RALYL: variants seen among roughly 807,000 people sequenced by gnomAD.
RALYL encodes RALY RNA binding protein like.
RALYL carries 29 observed loss-of-function variants against 35.1 expected under a neutral mutation model. That is an observed-to-expected ratio of 0.83 (90% CI 0.61 to 1.13). RALYL has a LOEUF of 1.13. RALYL is among the 50% of genes most tolerant of loss of function. The probability of loss-of-function intolerance (pLI) is 0.00; values close to 1 mark genes in which losing one functional copy is unlikely to be tolerated. For missense variants in RALYL, 359 were observed against 360.4 expected (o/e 1.00, Z 0.03); for synonymous variants, 120 against 127.6 (o/e 0.94, Z 0.40).
chr8:84,239,313 T>C (rs1827331430), intron 1 of RALYL, among the ~76,000 whole-genome samples: 1 of 152,200 alleles, frequency 6.6e-6, no homozygotes, highest in African/African-American at 2.4e-5. Flanking sequence ...AGTCCCCTCA[T>C]GCATTGAATA....
chr8:84,685,938 A>G (rs1008240574), intron 2 of RALYL, among the ~76,000 whole-genome samples: 28 of 152,268 alleles, frequency 1.8e-4, no homozygotes, highest in East Asian at 1.2e-3. Flanking sequence ...AGGTTGTATT[A>G]GGTGCAGATA....
At chr8:84,202,891 A>G (rs1817235144) in intron 1 of RALYL, among the ~76,000 whole-genome samples, 1 of 152,210 alleles carries the variant, frequency 6.6e-6, no homozygotes, top group African/African-American at 2.4e-5. Flanking sequence ...CATGTATATT[A>G]GCTTTTGAGT....
At chr8:84,613,551 G>T (rs1010412300) in intron 2 of RALYL, among the ~76,000 whole-genome samples, 2 of 151,408 alleles carry the variant, frequency 1.3e-5, no homozygotes, top group African/African-American at 2.4e-5. Flanking sequence ...CCCCATTTTA[G>T]ATGAGAAAAT....
chr8:84,322,755 C>T (rs1845096381), intron 1 of RALYL, among the ~76,000 whole-genome samples: 1 of 152,024 alleles, frequency 6.6e-6, no homozygotes, highest in South Asian at 2.1e-4. Context: ...TTTCTCAGGT[C>T]CTATTTCTCA....
At chr8:84,371,090 C>T (rs1855585920) in intron 1 of RALYL, among the ~76,000 whole-genome samples, 1 of 151,860 alleles carries the variant, frequency 6.6e-6, no homozygotes, top group African/African-American at 2.4e-5. Context: ...CCTTATAACC[C>T]CATCCTCTTG....
intron 4 of RALYL, among the ~76,000 whole-genome samples, chr8:84,829,181 C>T (rs1188745027): frequency 6.6e-6 from 1 of 152,048 alleles, no homozygotes; most frequent in East Asian, 1.9e-4. Flanking sequence ...ATAAAGCCAT[C>T]AGATCTCCTG....
At chr8:84,261,638 A>G (rs572345634) in intron 1 of RALYL, among the ~76,000 whole-genome samples, 1 of 152,258 alleles carries the variant, frequency 6.6e-6, no homozygotes, top group East Asian at 1.9e-4. Context: ...ACAAATGTTC[A>G]GTTTTTTTTC....
intron 4 of RALYL, among the ~76,000 whole-genome samples, chr8:84,808,295 C>G (rs571170413): frequency 6.6e-6 from 1 of 151,998 alleles, no homozygotes; most frequent in Non-Finnish European, 1.5e-5. Flanking sequence ...TTTGCTTTGT[C>G]GAAGATCATT....
chr8:84,355,910 G>C (rs1469973732), intron 1 of RALYL, among the ~76,000 whole-genome samples: 1 of 150,114 alleles, frequency 6.7e-6, no homozygotes, highest in East Asian at 1.9e-4. Context: ...TGCCCAAATT[G>C]CATGTTGAAT....
intron 2 of RALYL, among the ~76,000 whole-genome samples, chr8:84,759,818 T>C (rs1433651257): frequency 6.6e-6 from 1 of 152,208 alleles, no homozygotes; most frequent in Non-Finnish European, 1.5e-5. Context: ...AAATGACTGC[T>C]ATTGATACTG....
intron 3 of RALYL, among the ~76,000 whole-genome samples, chr8:84,782,031 G>GCACA (rs35098202): frequency 8.5e-4 from 127 of 148,642 alleles, no homozygotes; most frequent in East Asian, 4.8e-3. Flanking sequence ...GCACACGCGC[G>GCACA]CACACACACA....
At chr8:84,850,113 T>G in intron 5 of RALYL, 86 bp downstream of exon 5, 1 of 640,802 alleles carries the variant, frequency 1.6e-6, no homozygotes, top group Non-Finnish European at 2.6e-6. Context: ...TGCTCTTAAT[T>G]ATGGTATTTA....
intron 1 of RALYL, among the ~76,000 whole-genome samples, chr8:84,206,605 A>G (rs553643518): frequency 2.6e-5 from 4 of 152,298 alleles, no homozygotes; most frequent in South Asian, 4.1e-4. Flanking sequence ...GTAATTGATG[A>G]TGCACTTTGA....
intron 2 of RALYL, among the ~76,000 whole-genome samples, chr8:84,544,652 C>T (rs1025776142): frequency 2.6e-5 from 4 of 151,958 alleles, no homozygotes; most frequent in Non-Finnish European, 4.4e-5. Context: ...ACATAGGGTA[C>T]ACTGAGATAG....
intron 1 of RALYL, among the ~76,000 whole-genome samples, chr8:84,339,047 G>A (rs896899269): frequency 2.0e-5 from 3 of 152,036 alleles, no homozygotes; most frequent in Non-Finnish European, 2.9e-5. Context: ...TCAGGGTGGC[G>A]CAGACATGAT....
chr8:84,244,880 T>C lies in RALYL; in HGVS notation c.-24+60456T>C, dbSNP rs376647042. On this transcript the variant is annotated intron_variant, in intron 1 of 8. Transcript: ENST00000521268. ...AGGGTCTGAGATTTTGCCAGATATGTAAACTATCATACATGCTGGCAGAAG... is the reference window on the plus strand; with the variant it reads ...AGGGTCTGAGATTTTGCCAGATATGCAAACTATCATACATGCTGGCAGAAG... Among the ~76,000 whole-genome samples, 4 of 152,214 alleles carry C rather than the reference T, an allele frequency of 2.6e-5. No homozygotes were observed. The East Asian group carries it at 7.7e-4, about 29-fold the overall frequency.
chr8:84,468,259 C>A (rs2052045557), intron 1 of RALYL, among the ~76,000 whole-genome samples: 1 of 151,944 alleles, frequency 6.6e-6, no homozygotes, highest in Non-Finnish European at 1.5e-5. Context: ...TACATTTTGG[C>A]ATGATTTTGC....
chr8:84,516,204 C>A (rs1314286031), intron 1 of RALYL, among the ~76,000 whole-genome samples: 1 of 151,732 alleles, frequency 6.6e-6, no homozygotes, highest in African/African-American at 2.4e-5. Flanking sequence ...ATGTTCAAAA[C>A]CATGAGCTAA....
chr8:84,489,725 A>G (rs188019887), intron 1 of RALYL, among the ~76,000 whole-genome samples: 20 of 152,176 alleles, frequency 1.3e-4, no homozygotes, highest in African/African-American at 4.8e-4. Context: ...CTGACTCTTG[A>G]AAGATGAGTA....
Sources: gnomAD v4.1 joint callset for allele counts (sites outside exome capture counted in the v4.1 genomes callset) on GRCh38, gnomAD v4.1.1 for gene constraint, MANE v1.5 for transcripts, NCBI Gene and HGNC (gene_info 2026-07-23, HGNC 2026-07-21) for gene names.